Variants in GALNT17 observed in about 807,000 individuals in gnomAD.
GALNT17 encodes the protein UDP-GalNAc:polypeptide N-acetylgalactosaminyltransferase-like 3.
GALNT17 carries 29 observed loss-of-function variants against 63.7 expected under a neutral mutation model. The observed-to-expected ratio is 0.46, with a 90% CI of 0.34 to 0.62. The LOEUF is 0.62. Among genes scored for constraint, GALNT17 ranks in the 20% least tolerant of loss-of-function variants. The probability of loss-of-function intolerance (pLI) is 0.01; values close to 1 mark genes in which losing one functional copy is unlikely to be tolerated. For synonymous variants in GALNT17, 305 were observed against 318.3 expected (o/e 0.96, Z 0.45); for missense variants, 603 against 799.6 (o/e 0.75, Z 2.97).
intron 1 of GALNT17, among the ~76,000 whole-genome samples, chr7:71,193,370 G>T (rs1788988123): frequency 6.6e-6 from 1 of 151,546 alleles, no homozygotes; most frequent in Non-Finnish European, 1.5e-5. Context: ...AAAGTGCTGG[G>T]ATTACAGGTG....
intron 1 of GALNT17, among the ~76,000 whole-genome samples, chr7:71,250,152 T>C (rs945962884): frequency 6.6e-6 from 1 of 152,220 alleles, no homozygotes; most frequent in Non-Finnish European, 1.5e-5. Flanking sequence ...TTGGAAAGCA[T>C]TAGTTTCTCA....
chr7:71,580,809 T>G (rs2116898417), intron 6 of GALNT17, among the ~76,000 whole-genome samples: 2 of 152,118 alleles, frequency 1.3e-5, no homozygotes, highest in South Asian at 4.2e-4. Context: ...ATATGATAAA[T>G]CTCATGTTTC....
chr7:71,144,500 A>G (rs1382929127), intron 1 of GALNT17, among the ~76,000 whole-genome samples: 1 of 152,122 alleles, frequency 6.6e-6, no homozygotes, highest in Admixed American at 6.5e-5. Flanking sequence ...GGTCACACCT[A>G]TCTAGACATT....
At chr7:71,623,960 C>T (rs535225683) in intron 6 of GALNT17, among the ~76,000 whole-genome samples, 5 of 152,280 alleles carry the variant, frequency 3.3e-5, no homozygotes, top group African/African-American at 1.2e-4. Flanking sequence ...TCCCCAAAAC[C>T]GTGGTCAGAA....
At chr7:71,514,176 T>C (rs1788410102) in intron 5 of GALNT17, among the ~76,000 whole-genome samples, 1 of 152,094 alleles carries the variant, frequency 6.6e-6, no homozygotes, top group African/African-American at 2.4e-5. Flanking sequence ...GCCTAGGTGA[T>C]AGAGCAAGAC....
chr7:71,441,478 T>C (rs1787065945), intron 5 of GALNT17, among the ~76,000 whole-genome samples: 1 of 152,196 alleles, frequency 6.6e-6, no homozygotes, highest in Admixed American at 6.5e-5. Context: ...TTTTCTTTTT[T>C]TAATTTTACT....
At chr7:71,681,766 T>C (rs894420454) in intron 9 of GALNT17, among the ~76,000 whole-genome samples, 1 of 152,214 alleles carries the variant, frequency 6.6e-6, no homozygotes, top group African/African-American at 2.4e-5. Flanking sequence ...GATACTGGCA[T>C]AATCAAAAAC....
intron 1 of GALNT17, among the ~76,000 whole-genome samples, chr7:71,139,758 C>T (rs905504384): frequency 1.3e-5 from 2 of 151,946 alleles, no homozygotes; most frequent in Non-Finnish European, 2.9e-5. Context: ...TTTGGGAGGC[C>T]GTGGTGGGCA....
chr7:71,473,653 G>A (rs1259492230), intron 5 of GALNT17, among the ~76,000 whole-genome samples: 1 of 152,082 alleles, frequency 6.6e-6, no homozygotes, highest in Non-Finnish European at 1.5e-5. Flanking sequence ...TTCATGGCCA[G>A]GAATCCAATG....
Position 71,712,195 on chromosome 7 carries a change from C to G in GALNT17, c.*49C>G. 1 of 1,583,324 alleles carries G rather than the reference C, an allele frequency of 6.3e-7. No homozygotes were observed. The highest frequency in any genetic ancestry group is 8.6e-7 in the Non-Finnish European group (1 of 1,165,070). The stretch of plus-strand genomic sequence containing the variant: ...GCCTGGCCCCCAGGACATGGCTGCT[C>G]CCCCCAACATCTGGACCAGCTGCCC... On this transcript the variant is annotated 3_prime_UTR_variant, in exon 11 of 11. Transcript: ENST00000333538.
intron 3 of GALNT17, among the ~76,000 whole-genome samples, chr7:71,410,236 ACTT>A (rs895525564): frequency 1.4e-5 from 2 of 147,162 alleles, no homozygotes; most frequent in Non-Finnish European, 3.0e-5. Context: ...TTTTCCCCTC[ACTT>A]CTTTCCTGAT....
intron 5 of GALNT17, among the ~76,000 whole-genome samples, chr7:71,537,365 T>C (rs1788818208): frequency 1.3e-5 from 2 of 152,128 alleles, no homozygotes; most frequent in African/African-American, 4.8e-5. Flanking sequence ...CCTGTGACTG[T>C]GAACTTGTTT....
intron 2 of GALNT17, among the ~76,000 whole-genome samples, chr7:71,362,953 ATTTC>A (rs959496809): frequency 1.5e-4 from 22 of 151,030 alleles, no homozygotes; most frequent in Non-Finnish European, 2.8e-4. Flanking sequence ...ACCTTCTTCC[ATTTC>A]TTTCTTTCTT....
chr7:71,504,606 T>C (rs529732433), intron 5 of GALNT17, among the ~76,000 whole-genome samples: 1 of 152,318 alleles, frequency 6.6e-6, no homozygotes, highest in African/African-American at 2.4e-5. Context: ...TTTTACCTAG[T>C]TTACTTATTT....
At chr7:71,283,414 C>T (rs76678138) in intron 1 of GALNT17, among the ~76,000 whole-genome samples, 5,423 of 152,122 alleles carry the variant, frequency 0.036, 342 homozygotes, top group African/African-American at 0.12. Flanking sequence ...TATTGTATTA[C>T]AGCAACCTGC....
At chr7:71,670,450 T>G (rs1584125533) in intron 8 of GALNT17, among the ~76,000 whole-genome samples, 1 of 151,998 alleles carries the variant, frequency 6.6e-6, no homozygotes, top group African/African-American at 2.4e-5. Flanking sequence ...GGCAGGAGGG[T>G]TGGAGTCCTC....
intron 5 of GALNT17, among the ~76,000 whole-genome samples, chr7:71,480,534 G>A (rs1193072605): frequency 6.6e-6 from 1 of 151,862 alleles, no homozygotes; most frequent in Admixed American, 6.6e-5. Flanking sequence ...ACTGAGCTCT[G>A]TCGCTCATGT....
chr7:71,707,497 G>T (rs546345967), intron 9 of GALNT17, among the ~76,000 whole-genome samples: 4 of 152,284 alleles, frequency 2.6e-5, no homozygotes, highest in African/African-American at 9.6e-5. Flanking sequence ...TATCAGTCAG[G>T]AATTGCTGCA....
chr7:71,403,099 G>A (rs1034202812), intron 3 of GALNT17, among the ~76,000 whole-genome samples: 1 of 152,178 alleles, frequency 6.6e-6, no homozygotes, highest in Non-Finnish European at 1.5e-5. Context: ...AGGAAAGAAT[G>A]AGAGTGTGTA....
Sources: allele counts gnomAD v4.1 joint callset (sites outside exome capture counted in the v4.1 genomes callset), GRCh38; gene constraint gnomAD v4.1.1; transcripts MANE v1.5; gene names NCBI Gene and HGNC (gene_info 2026-07-23, HGNC 2026-07-21).